The following COL25A1 variants were observed in gnomAD, a reference collection of about 807,000 sequenced individuals.
COL25A1 encodes collagen type XXV alpha 1 chain.
Under a neutral mutation model 128.4 loss-of-function variants are expected in COL25A1, and 103 were observed. The ratio of observed to expected loss-of-function variants is 0.80; its 90% CI spans 0.68 to 0.94. The LOEUF is 0.94. COL25A1 is among the 40% of genes least tolerant of loss of function. The pLI is 0.00. For synonymous variants in COL25A1, 279 were observed against 277.2 expected, an observed-to-expected ratio of 1.01 and a Z score of -0.06; for missense variants, 745 against 840.0, an observed-to-expected ratio of 0.89 and a Z score of 1.40.
chr4:109,122,700 C>A (rs904183523), intron 3 of COL25A1, among the ~76,000 whole-genome samples: 3 of 151,928 alleles, frequency 2.0e-5, no homozygotes, highest in Non-Finnish European at 4.4e-5. Context: ...AATGGAAGGA[C>A]ATTTGGAGCT....
At chr4:108,853,468 A>G (rs765652053) in intron 24 of COL25A1, among the ~76,000 whole-genome samples, 7 of 151,802 alleles carry the variant, frequency 4.6e-5, no homozygotes, top group Admixed American at 6.6e-5. Context: ...TGGCATTCCA[A>G]TTTTTTTGTG....
intron 3 of COL25A1, among the ~76,000 whole-genome samples, chr4:109,284,534 A>G (rs919034576): frequency 5.3e-5 from 8 of 152,238 alleles, no homozygotes; most frequent in Non-Finnish European, 1.0e-4. Context: ...TAAAAATGCA[A>G]TTCCAAAGGT....
chr4:109,075,873 A>T (rs1579288703), intron 3 of COL25A1, among the ~76,000 whole-genome samples: 2 of 152,190 alleles, frequency 1.3e-5, no homozygotes. Context: ...TTAAGCATTA[A>T]CAATAAATAC....
chr4:109,042,590 C>A (rs1760022403), intron 5 of COL25A1, among the ~76,000 whole-genome samples: 1 of 152,000 alleles, frequency 6.6e-6, no homozygotes, highest in African/African-American at 2.4e-5. Flanking sequence ...TTGTTCCCTC[C>A]ATCAATAATG....
chr4:109,166,200 G>A (rs1773056381), intron 3 of COL25A1, among the ~76,000 whole-genome samples: 1 of 152,148 alleles, frequency 6.6e-6, no homozygotes, highest in East Asian at 1.9e-4. Flanking sequence ...TGAGCTAAAG[G>A]TATTCCATGG....
intron 3 of COL25A1, among the ~76,000 whole-genome samples, chr4:109,096,544 G>GCCTAGGTGTACAGTAGGCTATGCCACTAT (rs1765414508): frequency 8.0e-6 from 1 of 125,462 alleles, no homozygotes; most frequent in African/African-American, 3.2e-5. Flanking sequence ...TATACCACTA[G>GCCTAGGTGTACAGTAGGCTATGCCACTAT]GTTTGTGTAA....
intron 3 of COL25A1, among the ~76,000 whole-genome samples, chr4:109,067,447 T>C (rs1357350462): frequency 6.6e-6 from 1 of 152,096 alleles, no homozygotes; most frequent in African/African-American, 2.4e-5. Context: ...AAATTGAAAA[T>C]ATTTTTGTCT....
At chr4:108,901,247 A>G (rs1388115851) in intron 13 of COL25A1, 75 bp from the exon 14 acceptor site, 36 of 997,448 alleles carry the variant, frequency 3.6e-5, no homozygotes, top group Admixed American at 5.4e-5. Context: ...TAGAGGAGAC[A>G]GCCATCTAAT....
chr4:108,889,245 C>T lies in COL25A1; in HGVS notation c.951G>A (p.Gly317=). The change falls in exon 18 of 38, where the codon GGG becomes GGA. Residue 317 remains glycine (G), a synonymous_variant. Coordinates refer to ENST00000399132, the MANE Select transcript of COL25A1 (RefSeq NM_198721.4). ...SSAAGIKGEP[G]ESGRPGQKGE... is the part of the protein sequence containing the mutation. Reference sequence around the variant, plus strand: ...CCTTTTGCCCTGGACGACCAGATTCCCCAGGTTCTCCCTGGCCAAAGAAAA... The same window carrying T: ...CCTTTTGCCCTGGACGACCAGATTCTCCAGGTTCTCCCTGGCCAAAGAAAA... 1.9e-6 allele frequency: 3 copies of T among 1,613,594 alleles called. No homozygotes were observed. The highest frequency in any genetic ancestry group is 2.5e-6 in the Non-Finnish European group (3 of 1,179,628).
intron 5 of COL25A1, among the ~76,000 whole-genome samples, chr4:109,020,205 T>G (rs911307516): frequency 2.0e-5 from 3 of 152,224 alleles, no homozygotes; most frequent in Non-Finnish European, 4.4e-5. Context: ...CCAAGAACTC[T>G]TATACACTTG....
At chr4:108,869,471 G>A (rs770195358) in intron 19 of COL25A1, among the ~76,000 whole-genome samples, 1 of 152,066 alleles carries the variant, frequency 6.6e-6, no homozygotes, top group African/African-American at 2.4e-5. Context: ...GGTAACCTGC[G>A]GGCTCAATAC....
intron 3 of COL25A1, among the ~76,000 whole-genome samples, chr4:109,088,680 T>A (rs193194066): frequency 1.3e-5 from 2 of 152,198 alleles, no homozygotes; most frequent in African/African-American, 4.8e-5. Context: ...GGCACTGAAT[T>A]TATAGTAGTA....
chr4:109,213,888 A>C (rs1360100758), intron 3 of COL25A1, among the ~76,000 whole-genome samples: 1 of 152,150 alleles, frequency 6.6e-6, no homozygotes, highest in African/African-American at 2.4e-5. Flanking sequence ...TGAGTAATTC[A>C]ACAGATCTAA....
chr4:108,846,216 G>A lies in COL25A1; in HGVS notation c.1438C>T (p.Leu480Phe). ...GIPGMDGEQG[L>F]KGSKGDMGDP... ...CCCATGTCTCCCTTTGAGCCTTTGA[G>A]TCCCTAAAAATGATAGACAAGGTTG... The change falls in exon 28 of 38, where the codon CTC (leucine) becomes TTC (phenylalanine). Residue 480 changes from leucine to phenylalanine, a missense_variant. Leu to Phe is a conservative substitution (Grantham distance 22). Transcript: ENST00000399132. The A allele has an allele frequency of 1.2e-6, 2 of 1,607,706 alleles. No individual in the cohort carries two copies. The highest frequency in any genetic ancestry group is 1.7e-6 in the Non-Finnish European group (2 of 1,174,284).
intron 3 of COL25A1, among the ~76,000 whole-genome samples, chr4:109,068,953 G>T (rs1317853094): frequency 1.3e-5 from 2 of 152,078 alleles, no homozygotes; most frequent in Non-Finnish European, 2.9e-5. Context: ...GAAAGACATA[G>T]TCAGGTCCTA....
chr4:109,007,084 A>C (rs1467475324), intron 6 of COL25A1, among the ~76,000 whole-genome samples: 1 of 152,204 alleles, frequency 6.6e-6, no homozygotes, highest in Non-Finnish European at 1.5e-5. Flanking sequence ...AGATAAATAA[A>C]AATAAATAAA....
chr4:108,961,568 C>CCTGTTCTATTCTGTTCTGTT (rs1750681148), intron 8 of COL25A1, among the ~76,000 whole-genome samples: 1 of 135,386 alleles, frequency 7.4e-6, no homozygotes, highest in African/African-American at 2.8e-5. Context: ...AGAAGGTTCT[C>CCTGTTCTATTCTGTTCTGTT]CTGTTCTGTT....
chr4:108,946,414 A>G (rs1382737033), intron 8 of COL25A1, among the ~76,000 whole-genome samples: 9 of 152,260 alleles, frequency 5.9e-5, no homozygotes, highest in Non-Finnish European at 8.8e-5. Flanking sequence ...CAGAAATTCA[A>G]TTCAGGTCTT....
chr4:109,181,793 C>T (rs571875527), intron 3 of COL25A1, among the ~76,000 whole-genome samples: 1 of 151,996 alleles, frequency 6.6e-6, no homozygotes, highest in South Asian at 2.1e-4. Flanking sequence ...TATAATATAT[C>T]CCTTGAACTT....
Sources: gnomAD v4.1 joint callset for allele counts (sites outside exome capture counted in the v4.1 genomes callset) on GRCh38, gnomAD v4.1.1 for gene constraint, MANE v1.5 for transcripts, NCBI Gene and HGNC (gene_info 2026-07-23, HGNC 2026-07-21) for gene names.